CPHXL: variants seen among roughly 807,000 people sequenced by gnomAD.
CPHXL encodes cytoplasmic polyadenylated homeobox like, also known as cytoplasmic polyadenylated homeobox-like protein.
In CPHXL at chr16:75,718,377, G is replaced by T. The variant is rs1251572946; in HGVS notation, c.107C>A (p.Ser36Tyr). The change falls in exon 2 of 3, where the codon TCT becomes TAT. Residue 36 changes from serine to tyrosine, a missense_variant. Ser to Tyr is a moderately radical substitution (Grantham distance 144). Coordinates refer to ENST00000640559, the MANE Select transcript of CPHXL (RefSeq NM_001355613.1). ...CTTAAGTTCCTGCAGTAATTCTTCA[G>T]AAAATTTATGTCGGTGTTTTGTTTT... ...KRKTKHRHKF[S>Y]EELLQELKEI... 2 of 398,600 alleles carry T rather than the reference G, an allele frequency of 5.0e-6. No individual in the cohort carries two copies. The highest frequency in any genetic ancestry group is 8.8e-6 in the Non-Finnish European group (2 of 226,172). 24.7% of individuals were successfully genotyped at this position (398,600 alleles called of 1,614,324 possible).
rs934221372 is a variant in CPHXL at position 75,718,408 on chromosome 16, T to C, written c.76A>G (p.Lys26Glu). The change falls in exon 2 of 3, where the codon AAA (lysine) becomes GAA (glutamate). Residue 26 changes from lysine (K) to glutamate (E), a missense_variant. By Grantham distance (56) the Lys-to-Glu change is moderately conservative. Transcript: ENST00000640559. ...TTATGTCGGTGTTTTGTTTTTCTTT[T>C]ATTCTTTGTTTGTCTTTCTTCATTA... ...HHNEERQTKNKRKTKHRHKFS... is the reference protein window; with the variant it reads ...HHNEERQTKNERKTKHRHKFS... The C allele has an allele frequency of 3.0e-5, 12 of 398,598 alleles. No homozygotes were observed. The highest frequency in any genetic ancestry group is 2.5e-4 in the African/African-American group (12 of 48,628). The allele number at this position is 398,598 out of a possible 1,614,324, so 24.7% of individuals were successfully genotyped here.
intron 1 of CPHXL, among the ~76,000 whole-genome samples, chr16:75,719,028 C>T (rs1041312239): frequency 1.3e-5 from 2 of 151,852 alleles, no homozygotes; most frequent in African/African-American, 2.4e-5. Flanking sequence ...CTGAGTTCCA[C>T]GAGTGTAGTT....
In CPHXL at chr16:75,714,173, G is replaced by A; in HGVS notation, c.*51C>T. 2.5e-6 allele frequency: 1 copy of A among 398,676 alleles called. No individual in the cohort carries two copies. The highest frequency in any genetic ancestry group is 4.4e-6 in the Non-Finnish European group (1 of 226,242). 24.7% of individuals were successfully genotyped at this position (398,676 alleles called of 1,614,324 possible). ...TTTCTCTGACACTTAGCACTACTTT[G>A]CAGAGTTGCATCCTTGGTTCCCTGC... On this transcript the variant is annotated 3_prime_UTR_variant, in exon 3 of 3. Coordinates refer to ENST00000640559, the MANE Select transcript of CPHXL (RefSeq NM_001355613.1).
At position 75,715,206 on chromosome 16, in the gene CPHXL, T is replaced by C. The variant is rs1959373207; in HGVS notation, c.236A>G (p.Lys79Arg). The part of the protein sequence containing the change: ...VNVIDNWFQN[K>R]RARLPPAERR... ...TTCTGCAGGTGGAAGTCTGGCTCTT[T>C]TATTCTGGAACCAATTCTAGAGAGA... The change falls in exon 3 of 3, where the codon AAA becomes AGA. Residue 79 changes from lysine to arginine, a missense_variant. Lys to Arg is a conservative substitution (Grantham distance 26). Coordinates refer to ENST00000640559, the MANE Select transcript of CPHXL (RefSeq NM_001355613.1). 2.5e-6 allele frequency: 1 copy of C among 398,756 alleles called. No individual in the cohort carries two copies. Among genetic ancestry groups the C allele is most frequent in the Admixed American group, 4.4e-5 (1 of 22,720 alleles). 24.7% of individuals were successfully genotyped at this position (398,756 alleles called of 1,614,324 possible).
intron 1 of CPHXL, among the ~76,000 whole-genome samples, chr16:75,723,456 AACAG>A (rs1157189644): frequency 5.9e-5 from 9 of 152,240 alleles, no homozygotes; most frequent in Non-Finnish European, 1.0e-4. Context: ...ATACACCAAT[AACAG>A]ACAAACAGAG....
chr16:75,723,590 T>G (rs537791667), intron 1 of CPHXL, among the ~76,000 whole-genome samples: 277 of 152,090 alleles, frequency 1.8e-3, no homozygotes, highest in Non-Finnish European at 3.0e-3. Context: ...CACTGCTCAA[T>G]GAAATAAAAG....
chr16:75,716,938 T>C (rs1597219481), intron 2 of CPHXL, among the ~76,000 whole-genome samples: 1 of 152,354 alleles, frequency 6.6e-6, no homozygotes, highest in African/African-American at 2.4e-5. Flanking sequence ...TTATCTGACA[T>C]ATGAAACTTC....
chr16:75,720,049 G>C (rs1227997123), intron 1 of CPHXL, among the ~76,000 whole-genome samples: 1 of 152,210 alleles, frequency 6.6e-6, no homozygotes, highest in Non-Finnish European at 1.5e-5. Flanking sequence ...GGTCCTGACT[G>C]TTAGAAGGAA....
intron 1 of CPHXL, among the ~76,000 whole-genome samples, chr16:75,724,106 T>G (rs1467803719): frequency 6.6e-6 from 1 of 152,164 alleles, no homozygotes; most frequent in Non-Finnish European, 1.5e-5. Context: ...TTCCTTACAC[T>G]TTATACAAAA....
At chr16:75,725,125 T>G in intron 1 of CPHXL, among the ~76,000 whole-genome samples, 1 of 137,452 alleles carries the variant, frequency 7.3e-6, no homozygotes, top group South Asian at 2.7e-4. Context: ...GGGCCTGTTG[T>G]GGGGTCGGGG....
intron 1 of CPHXL, among the ~76,000 whole-genome samples, chr16:75,726,161 C>G (rs1374222517): frequency 6.6e-6 from 1 of 152,104 alleles, no homozygotes; most frequent in Non-Finnish European, 1.5e-5. Context: ...TTAGGTAGTT[C>G]ATACATTCTT....
chr16:75,724,198 C>A (rs972280537), intron 1 of CPHXL, among the ~76,000 whole-genome samples: 8 of 152,164 alleles, frequency 5.3e-5, no homozygotes, highest in Admixed American at 4.6e-4. Context: ...CAATACCATT[C>A]AGGACATAGG....
intron 1 of CPHXL, among the ~76,000 whole-genome samples, chr16:75,722,656 C>A (rs138682542): frequency 6.6e-6 from 1 of 152,288 alleles, no homozygotes; most frequent in Non-Finnish European, 1.5e-5. Flanking sequence ...GATTCACAGC[C>A]GAATTCTACC....
Position 75,719,853 on chromosome 16 carries a change from C to A in CPHXL, c.26-1395G>T, listed in dbSNP as rs191534205. On this transcript the variant is annotated intron_variant, in intron 1 of 2. Transcript: ENST00000640559. The stretch of plus-strand genomic sequence containing the variant: ...AGTAGCCTAACTGGGAGACACCCCC[C>A]AGTAGGGGCAGACTGACACCTCACA... Among the ~76,000 whole-genome samples the A allele has an allele frequency of 6.8e-3, 1,039 of 152,248 alleles. 7 individuals carry two copies. Among genetic ancestry groups the A allele is most frequent in the Non-Finnish European group, 0.01 (706 of 68,024 alleles).
Position 75,715,077 on chromosome 16 carries a change from G to A in CPHXL, c.365C>T (p.Thr122Ile). 1 of 398,828 alleles carries A rather than the reference G, an allele frequency of 2.5e-6. No homozygotes were observed. Among genetic ancestry groups the A allele is most frequent in the East Asian group, 3.6e-5 (1 of 28,082 alleles). 24.7% of individuals were successfully genotyped at this position (398,828 alleles called of 1,614,324 possible). A position where few individuals can be genotyped will look rare whatever the true frequency, so the allele number is the denominator to read the frequency against. The change falls in exon 3 of 3, where the codon ACC becomes ATC. Residue 122 changes from threonine (T) to isoleucine (I), a missense_variant. Transcript: ENST00000640559. The part of the protein sequence containing the change: ...ETQAAAHNYA[T>I]KQSLSGAQRA... ...CTGGGCACCAGAGAGGCTCTGCTTG[G>A]TGGCATAGTTGTGAGCTGCAGCCTG...
rs954208455 is a variant in CPHXL, at chr16:75,718,324, C to T, written c.160G>A (p.Asp54Asn). ...GCCAGTGTTTTCCTAGTTGTGTAAT[C>T]GGGATAACAGTTCTCTCCAAATATT... ...KEIFGENCYPDYTTRKTLAIK... is the reference protein window; with the variant it reads ...KEIFGENCYPNYTTRKTLAIK... The change falls in exon 2 of 3, where the codon GAT (aspartate) becomes AAT (asparagine). Residue 54 changes from aspartate (D) to asparagine (N), a missense_variant. By Grantham distance (23) the Asp-to-Asn change is conservative. Coordinates refer to ENST00000640559, the MANE Select transcript of CPHXL (RefSeq NM_001355613.1). 10 of 398,646 alleles carry T rather than the reference C, an allele frequency of 2.5e-5. No individual in the cohort carries two copies. Among genetic ancestry groups the T allele is most frequent in the Middle Eastern group, 6.2e-4 (1 of 1,622 alleles). 24.7% of individuals were successfully genotyped at this position (398,646 alleles called of 1,614,324 possible).
At chr16:75,725,848 T>A (rs1959552206) in intron 1 of CPHXL, among the ~76,000 whole-genome samples, 5 of 147,996 alleles carry the variant, frequency 3.4e-5, no homozygotes. Flanking sequence ...CCCCCTGCTT[T>A]GGCCTCCTTG....
chr16:75,717,247 C>T (rs967128203), intron 2 of CPHXL, among the ~76,000 whole-genome samples: 1 of 152,256 alleles, frequency 6.6e-6, no homozygotes, highest in African/African-American at 2.4e-5. Context: ...ATTTGCCTCA[C>T]TGCAGTCTAG....
At chr16:75,720,077 G>C (rs993273290) in intron 1 of CPHXL, among the ~76,000 whole-genome samples, 2 of 152,148 alleles carry the variant, frequency 1.3e-5, no homozygotes, top group Non-Finnish European at 2.9e-5. Flanking sequence ...AAACAGAAAG[G>C]ACATCCACAC....
Sources: gnomAD v4.1 joint callset for allele counts (sites outside exome capture counted in the v4.1 genomes callset) on GRCh38, gnomAD v4.1.1 for gene constraint, MANE v1.5 for transcripts, NCBI Gene and HGNC (gene_info 2026-07-23, HGNC 2026-07-21) for gene names.